MKRN1: variants seen among roughly 807,000 people sequenced by gnomAD.
MKRN1 encodes E3 ubiquitin-protein ligase makorin-1.
Under a neutral mutation model 55.5 loss-of-function variants are expected in MKRN1, and 9 were observed. The observed-to-expected ratio is 0.16, with a 90% confidence interval of 0.10 to 0.28. The LOEUF (loss-of-function observed/expected upper bound fraction) is 0.28. Among genes scored for constraint, MKRN1 ranks in the 10% least tolerant of loss-of-function variants. MKRN1 has a pLI of 1.00. For synonymous variants in MKRN1, 253 were observed against 235.9 expected (o/e 1.07, Z -0.66); for missense variants, 488 against 626.7 (o/e 0.78, Z 2.36).
intron 1 of MKRN1, chr7:140,473,435 C>T (rs1794994339): frequency 3.4e-6 from 1 of 290,224 alleles, no homozygotes; most frequent in African/African-American, 2.3e-5. Flanking sequence ...TGCCAAGTTA[C>T]CCTGTAAGGG....
At chr7:140,458,954 G>C in intron 4 of MKRN1, 53 bp downstream of exon 4, 1 of 1,563,396 alleles carries the variant, frequency 6.4e-7, no homozygotes, top group Non-Finnish European at 8.8e-7. Flanking sequence ...GCTGTGAAAG[G>C]GCAAATAATG....
intron 1 of MKRN1, chr7:140,474,454 T>C (rs552038196): frequency 2.2e-4 from 78 of 352,316 alleles, no homozygotes; most frequent in South Asian, 1.6e-3. Context: ...GGCCCAGAGG[T>C]TGCAGTGAAC....
chr7:140,479,564 A>G, upstream of MKRN1: 1 of 427,016 alleles, frequency 2.3e-6, no homozygotes, highest in Non-Finnish European at 4.0e-6. Context: ...GGCGCCGCTC[A>G]TTGGTGGAGG....
intron 2 of MKRN1, among the ~76,000 whole-genome samples, chr7:140,461,325 G>A (rs1250148271): frequency 1.3e-5 from 2 of 152,154 alleles, no homozygotes; most frequent in East Asian, 1.9e-4. Context: ...AATACGTGGG[G>A]AAAATACATC....
chr7:140,474,205 T>C (rs1795047503), intron 1 of MKRN1, among the ~76,000 whole-genome samples: 1 of 149,456 alleles, frequency 6.7e-6, no homozygotes, highest in Non-Finnish European at 1.5e-5. Flanking sequence ...CTACCAAAAA[T>C]ACAAAAATTA....
rs1794474774 is a variant in MKRN1 at position 140,456,694 on chromosome 7, C to T, written c.944G>A (p.Arg315His). 6.2e-7 allele frequency: 1 copy of T among 1,614,142 alleles called. No homozygotes were observed. Among genetic ancestry groups the T allele is most frequent in the African/African-American group, 1.3e-5 (1 of 75,062 alleles). Reference protein sequence around the residue: ...CNHTYCLKCIRKWRSAKQFES... With the variant: ...CNHTYCLKCIHKWRSAKQFES... ...AAATTGCTTAGCACTCCTCCACTTGCGAATGCACTTGAGACAGTAGGTGTG... is the reference window on the plus strand; with the variant it reads ...AAATTGCTTAGCACTCCTCCACTTGTGAATGCACTTGAGACAGTAGGTGTG... The change falls in exon 5 of 8, where the codon CGC becomes CAC. Residue 315 changes from arginine (R) to histidine (H), a missense_variant. Physicochemically the swap from Arg to His is conservative, Grantham distance 29 (BLOSUM62 0). Transcript: ENST00000255977.
intron 1 of MKRN1, chr7:140,478,243 G>A (rs1374744631): frequency 2.0e-5 from 3 of 152,176 alleles, no homozygotes; most frequent in Non-Finnish European, 4.4e-5. Flanking sequence ...TTAAAAACCG[G>A]AAAATAAAAA....
intron 1 of MKRN1, 92 bp downstream of exon 1, chr7:140,479,068 G>C: frequency 8.1e-7 from 1 of 1,232,304 alleles, no homozygotes; most frequent in Non-Finnish European, 1.0e-6. Flanking sequence ...CGCGCCTCTA[G>C]CCGCAGGCCG....
chr7:140,472,399 C>T lies in MKRN1; in HGVS notation c.186-388G>A, dbSNP rs561402956. On this transcript the variant is annotated intron_variant, in intron 1 of 7. Coordinates refer to ENST00000255977, the MANE Select transcript of MKRN1 (RefSeq NM_013446.4). ...AATGAGCCGAGATCGCGCCATTGCA[C>T]TCCAGCCTGGGAGACAGAGCAAGAC... 3 of 185,968 alleles carry T rather than the reference C, an allele frequency of 1.6e-5. No homozygotes were observed. The South Asian group carries it at 3.2e-4, about 20-fold the overall frequency. The allele number at this position is 185,968 out of a possible 1,614,324, so 11.5% of individuals were successfully genotyped here. A position where few individuals can be genotyped will look rare whatever the true frequency, so the allele number is the denominator to read the frequency against.
chr7:140,469,548 CCT>C (rs1794862646), intron 2 of MKRN1, among the ~76,000 whole-genome samples: 1 of 152,146 alleles, frequency 6.6e-6, no homozygotes, highest in Non-Finnish European at 1.5e-5. Context: ...TTCCTTGCCT[CCT>C]CTGTTAAATT....
intron 2 of MKRN1, among the ~76,000 whole-genome samples, chr7:140,465,621 G>C (rs535037008): frequency 1.1e-4 from 17 of 152,210 alleles, no homozygotes; most frequent in Admixed American, 3.3e-4. Flanking sequence ...ACAAAGAACT[G>C]GCCTCACTAA....
At chr7:140,465,857 G>A (rs1424931192) in intron 2 of MKRN1, among the ~76,000 whole-genome samples, 2 of 152,056 alleles carry the variant, frequency 1.3e-5, no homozygotes, top group African/African-American at 2.4e-5. Context: ...CGAGGTGGGC[G>A]GATCAGGAGG....
At chr7:140,467,217 T>A (rs1025599356) in intron 2 of MKRN1, among the ~76,000 whole-genome samples, 4 of 152,022 alleles carry the variant, frequency 2.6e-5, no homozygotes, top group African/African-American at 9.7e-5. Context: ...CAGGTGATCC[T>A]CCTGTCTCAG....
chr7:140,454,873 C>T, intron 7 of MKRN1, 144 bp from the exon 8 acceptor site: 1 of 1,042,658 alleles, frequency 9.6e-7, no homozygotes, highest in Non-Finnish European at 1.4e-6. Context: ...ACTTCCTCCC[C>T]TCTGGTTACT....
At chr7:140,463,223 G>A (rs1478968894) in intron 2 of MKRN1, among the ~76,000 whole-genome samples, 2 of 152,196 alleles carry the variant, frequency 1.3e-5, no homozygotes, top group East Asian at 3.8e-4. Flanking sequence ...AATCCTATAA[G>A]CTGAAGGATA....
At chr7:140,477,098 CAAAA>C (rs35476052) in intron 1 of MKRN1, among the ~76,000 whole-genome samples, 2 of 83,502 alleles carry the variant, frequency 2.4e-5, no homozygotes. Flanking sequence ...AACTCTGTCT[CAAAA>C]AAAAAAAAAA....
intron 1 of MKRN1, chr7:140,474,357 T>A (rs763944720): frequency 1.2e-4 from 29 of 236,454 alleles, no homozygotes; most frequent in South Asian, 1.1e-3. Flanking sequence ...AAACAAACAA[T>A]TAGCCAGGCA....
rs1794386358 is a variant in MKRN1 at position 140,453,422 on chromosome 7, G to A, written c.*1095C>T. 1 of 152,592 alleles carries A rather than the reference G, an allele frequency of 6.6e-6. No homozygotes were observed. Among genetic ancestry groups the A allele is most frequent in the African/African-American group, 2.4e-5 (1 of 41,422 alleles). 9.5% of individuals were successfully genotyped at this position (152,592 alleles called of 1,614,324 possible). A position where few individuals can be genotyped will look rare whatever the true frequency, so the allele number is the denominator to read the frequency against. On this transcript the variant is annotated 3_prime_UTR_variant, in exon 8 of 8. Transcript: ENST00000255977. The stretch of plus-strand genomic sequence containing the variant: ...CACGTCTGTCTACCTGAAAGCTCAG[G>A]GGTGGAATGAGGCAAATACCCACAA...
At chr7:140,469,746 C>G (rs1391018508) in intron 2 of MKRN1, among the ~76,000 whole-genome samples, 1 of 152,020 alleles carries the variant, frequency 6.6e-6, no homozygotes, top group Non-Finnish European at 1.5e-5. Flanking sequence ...AACCCCGTCT[C>G]TACTAAAAAT....
Sources: allele counts gnomAD v4.1 joint callset (sites outside exome capture counted in the v4.1 genomes callset), GRCh38; gene constraint gnomAD v4.1.1; transcripts MANE v1.5; gene names NCBI Gene and HGNC (gene_info 2026-07-23, HGNC 2026-07-21).